HRH1: variants seen among roughly 807,000 people sequenced by gnomAD.
The protein encoded by HRH1 is histamine receptor H1, also known as histamine H1 receptor.
In HRH1, 6 loss-of-function variants were observed where a neutral mutation model predicts 10.3. The ratio of observed to expected loss-of-function variants is 0.58; its 90% confidence interval spans 0.32 to 1.15. The LOEUF (loss-of-function observed/expected upper bound fraction) is 1.15. Among genes scored for constraint, HRH1 ranks in the 50% most tolerant of loss-of-function variants. The pLI, the probability that HRH1 is intolerant of heterozygous loss-of-function variation, is 0.05. For missense variants in HRH1, 514 were observed against 615.3 expected (o/e 0.84, Z 1.74); for synonymous variants, 242 against 236.7 (o/e 1.02, Z -0.21).
At chr3:11,187,371 A>G (rs1381757898) in intron 1 of HRH1, among the ~76,000 whole-genome samples, 1 of 152,032 alleles carries the variant, frequency 6.6e-6, no homozygotes, top group South Asian at 2.1e-4. Flanking sequence ...TTTAACTACA[A>G]AGGTTATATA....
chr3:11,252,413 G>A (rs180822232), intron 1 of HRH1, among the ~76,000 whole-genome samples: 1 of 152,316 alleles, frequency 6.6e-6, no homozygotes, highest in East Asian at 1.9e-4. Flanking sequence ...TCCATGTACT[G>A]GAGGGGACAT....
intron 1 of HRH1, among the ~76,000 whole-genome samples, chr3:11,245,351 T>TA (rs5846699): frequency 8.7e-5 from 13 of 149,872 alleles, no homozygotes; most frequent in Admixed American, 1.3e-4. Context: ...AGACTTCATC[T>TA]AAAAAAAAAA....
chr3:11,259,066 T>A lies in HRH1; in HGVS notation c.29T>A (p.Leu10Ter), dbSNP rs201929250. MSLPNSSCL[L>*]EDKMCEGNKT... The stretch of plus-strand genomic sequence containing the variant: ...AGCCTCCCCAATTCCTCCTGCCTCT[T>A]AGAAGACAAGATGTGTGAGGGCAAC... Residue 10 changes from leucine to a stop codon, truncating the protein, a stop_gained, in exon 2 of 2, where the codon TTA becomes TAA. Coordinates refer to ENST00000431010, the MANE Select transcript of HRH1 (RefSeq NM_001098212.2). LOFTEE classifies it low-confidence loss of function (END_TRUNC). This position sits in a 1 kb window ranked among gnomAD's most constrained non-coding sequence, Gnocchi z 4.6. The A allele has an allele frequency of 1.2e-6, 2 of 1,608,600 alleles. No homozygotes were observed. The highest frequency in any genetic ancestry group is 8.5e-7 in the Non-Finnish European group (1 of 1,177,114).
intron 1 of HRH1, among the ~76,000 whole-genome samples, chr3:11,138,761 A>G (rs1361051497): frequency 1.4e-5 from 2 of 139,482 alleles, no homozygotes; most frequent in Non-Finnish European, 3.0e-5. Flanking sequence ...TGCAGCCTCC[A>G]TCTCCCAGGC....
intron 1 of HRH1, among the ~76,000 whole-genome samples, chr3:11,179,311 A>T (rs532815381): frequency 9.3e-4 from 141 of 151,828 alleles, no homozygotes; most frequent in Non-Finnish European, 1.6e-3. Flanking sequence ...AATAAAATTT[A>T]AAAAATTTAA....
chr3:11,234,567 C>T, intron 1 of HRH1: 1 of 1,434,504 alleles, frequency 7.0e-7, no homozygotes, highest in Non-Finnish European at 9.8e-7. Flanking sequence ...ATCCATGCTC[C>T]TCGTATGGAT....
chr3:11,216,262 G>A (rs549778564), intron 1 of HRH1, among the ~76,000 whole-genome samples: 5 of 152,278 alleles, frequency 3.3e-5, no homozygotes, highest in South Asian at 2.1e-4. Flanking sequence ...CAACAATTCC[G>A]TTTCTCAGTA....
chr3:11,251,075 C>T (rs1575043736), intron 1 of HRH1, among the ~76,000 whole-genome samples: 1 of 152,222 alleles, frequency 6.6e-6, no homozygotes, highest in Middle Eastern at 3.4e-3. Context: ...GCTCCTATTT[C>T]TTTTAACTTT....
At chr3:11,186,490 G>A (rs1937454102) in intron 1 of HRH1, among the ~76,000 whole-genome samples, 2 of 152,160 alleles carry the variant, frequency 1.3e-5, no homozygotes, top group South Asian at 2.1e-4. Context: ...GAGGCCCCAA[G>A]AGGTGAGCTA....
At chr3:11,241,801 A>G (rs1275631795) in intron 1 of HRH1, among the ~76,000 whole-genome samples, 1 of 151,398 alleles carries the variant, frequency 6.6e-6, no homozygotes, top group Admixed American at 6.6e-5. Flanking sequence ...GCGCCACTGC[A>G]TTCCAGCCTG....
At chr3:11,234,090 A>G (rs1382809945) in intron 1 of HRH1, among the ~76,000 whole-genome samples, 2 of 152,086 alleles carry the variant, frequency 1.3e-5, no homozygotes, top group Non-Finnish European at 2.9e-5. Flanking sequence ...TTTTCAGTGT[A>G]TGTGTCAAGA....
rs189287776 is a variant in HRH1, at chr3:11,260,082, G to C, written c.1045G>C (p.Asp349His). Residue 349 changes from aspartate (D) to histidine (H), a missense_variant, in exon 2 of 2, where the codon GAT becomes CAT. Asp to His is a moderately conservative substitution (Grantham distance 81). Coordinates refer to ENST00000431010, the MANE Select transcript of HRH1 (RefSeq NM_001098212.2). The part of the protein sequence containing the change: ...NTHGASEISE[D>H]QMLGDSQSFS... Reference sequence around the variant, plus strand: ...ACATGGGGCCAGCGAGATATCAGAGGATCAGATGTTAGGTGATAGCCAATC... The same window carrying C: ...ACATGGGGCCAGCGAGATATCAGAGCATCAGATGTTAGGTGATAGCCAATC... 4.9e-4 allele frequency: 797 copies of C among 1,614,128 alleles called. 9 individuals carry two copies. The East Asian group carries it at 0.014, about 28-fold the overall frequency.
At chr3:11,225,759 C>T (rs1257654234) in intron 1 of HRH1, among the ~76,000 whole-genome samples, 2 of 152,260 alleles carry the variant, frequency 1.3e-5, no homozygotes, top group Admixed American at 6.5e-5. Context: ...GATCTCGGCT[C>T]ACTTCAACCT....
chr3:11,191,568 C>T (rs777732233), intron 1 of HRH1, among the ~76,000 whole-genome samples: 5 of 152,154 alleles, frequency 3.3e-5, no homozygotes, highest in Admixed American at 6.5e-5. Flanking sequence ...ACTGTCTGAC[C>T]TTCATATGCA....
In HRH1 at chr3:11,260,493, C is replaced by T. The variant is rs749997385; in HGVS notation, c.1456C>T (p.Arg486Cys). The change falls in exon 2 of 2, where the codon CGC (arginine) becomes TGC (cysteine). Residue 486 changes from arginine (R) to cysteine (C), a missense_variant. Arg to Cys is a radical substitution (Grantham distance 180, BLOSUM62 -3). Transcript: ENST00000431010. ...KKTFKRILHI[R>C]S ...GACATTCAAGAGAATTCTGCATATT[C>T]GCTCCTAAGGGAGGCTCTGAGGGGA... The T allele has an allele frequency of 5.6e-6, 9 of 1,596,752 alleles. No individual in the cohort carries two copies. Among genetic ancestry groups the T allele is most frequent in the Admixed American group, 3.4e-5 (2 of 58,736 alleles).
intron 1 of HRH1, among the ~76,000 whole-genome samples, chr3:11,227,161 G>GT (rs1275536566): frequency 6.6e-6 from 1 of 152,192 alleles, no homozygotes; most frequent in Non-Finnish European, 1.5e-5. Context: ...CAGAACAGGG[G>GT]TGACCCCACA....
chr3:11,179,756 C>CGT (rs151206562), intron 1 of HRH1, among the ~76,000 whole-genome samples: 13,817 of 147,456 alleles, frequency 0.094, 1,174 homozygotes, highest in African/African-American at 0.22. Context: ...TGCTATTGTG[C>CGT]GTGTGTGTGT....
At chr3:11,231,720 A>G (rs1462531772) in intron 1 of HRH1, among the ~76,000 whole-genome samples, 2 of 152,062 alleles carry the variant, frequency 1.3e-5, no homozygotes, top group South Asian at 2.1e-4. Context: ...AGAGTTCTTT[A>G]TATATTCTGA....
upstream of HRH1, among the ~76,000 whole-genome samples, chr3:11,149,778 T>C (rs150502888): frequency 0.012 from 1,794 of 152,326 alleles, 14 homozygotes; most frequent in Middle Eastern, 0.024. Context: ...CTACAGCGTA[T>C]ATGAACGTTC....
Sources: gnomAD v4.1 joint callset for allele counts (sites outside exome capture counted in the v4.1 genomes callset) on GRCh38, gnomAD v4.1.1 for gene constraint, Gnocchi (gnomAD v3.1) non-coding constraint, MANE v1.5 for transcripts, NCBI Gene and HGNC (gene_info 2026-07-23, HGNC 2026-07-21) for gene names.